The following EPHA8 variants were observed in gnomAD, a reference collection of about 807,000 sequenced individuals.
The protein encoded by EPHA8 is EPH receptor A8, also known as ephrin type-A receptor 8.
In EPHA8, 58 loss-of-function variants were observed where a neutral mutation model predicts 103.6. The ratio of observed to expected loss-of-function variants is 0.56; its 90% confidence interval spans 0.45 to 0.70. EPHA8 has a LOEUF of 0.70. Ranked by LOEUF, EPHA8 falls within the 30% of genes least tolerant of loss-of-function variation. EPHA8 has a pLI of 0.00. For synonymous variants in EPHA8, 559 were observed against 572.5 expected (o/e 0.98, Z 0.34); for missense variants, 1,304 against 1,395.2 (o/e 0.93, Z 1.04).
chr1:22,597,883 C>A lies in EPHA8; in HGVS notation c.2116+22C>A. Reference sequence around the variant, plus strand: ...CGTGGTAGGTGCCGGGCAAAGACAGCCTCCCCCTGCAGTGCCCCTCCTGCC... The same window carrying A: ...CGTGGTAGGTGCCGGGCAAAGACAGACTCCCCCTGCAGTGCCCCTCCTGCC... On this transcript the variant is annotated intron_variant, in intron 11 of 16. Transcript: ENST00000166244. This position sits in a 1 kb window ranked among gnomAD's most constrained non-coding sequence, Gnocchi z 4.6. The A allele has an allele frequency of 6.3e-7, 1 of 1,594,498 alleles. No individual in the cohort carries two copies. The highest frequency in any genetic ancestry group is 8.6e-7 in the Non-Finnish European group (1 of 1,169,442).
At position 22,576,303 on chromosome 1, in the gene EPHA8, C is replaced by T. The variant is rs776601487; in HGVS notation, c.246C>T (p.Asn82=). 5.6e-6 allele frequency: 9 copies of T among 1,613,954 alleles called. No individual in the cohort carries two copies. The highest frequency in any genetic ancestry group is 7.6e-6 in the Non-Finnish European group (9 of 1,180,044). Residue 82 remains asparagine (N), a synonymous_variant, in exon 3 of 17, where the codon AAC becomes AAT. Transcript: ENST00000166244. This position sits in a 1 kb window ranked among gnomAD's most constrained non-coding sequence, Gnocchi z 4.8. ...VCNVMSPNQN[N]WLRTSWVPRD... is the part of the protein sequence containing the mutation. Reference sequence around the variant, plus strand: ...ACGTCATGAGCCCCAACCAGAACAACTGGCTGCGCACGAGCTGGGTCCCCC... The same window carrying T: ...ACGTCATGAGCCCCAACCAGAACAATTGGCTGCGCACGAGCTGGGTCCCCC...
intron 2 of EPHA8, among the ~76,000 whole-genome samples, chr1:22,570,648 G>A (rs1001676295): frequency 4.1e-5 from 6 of 146,672 alleles, no homozygotes; most frequent in African/African-American, 1.6e-4. Context: ...CTCTCTGGGG[G>A]TCTGGTCACC....
intron 4 of EPHA8, 150 bp downstream of exon 4, chr1:22,586,785 G>GGGGC (rs1228737784): frequency 2.1e-6 from 2 of 936,442 alleles, no homozygotes; most frequent in African/African-American, 3.7e-5. Context: ...TGAGGTGGGG[G>GGGGC]GGGTGACTCT....
At chr1:22,585,048 T>TGCGCGCGCGCGC (rs1553146979) in intron 3 of EPHA8, among the ~76,000 whole-genome samples, 1 of 111,284 alleles carries the variant, frequency 9.0e-6, no homozygotes, top group African/African-American at 4.5e-5. Flanking sequence ...TGTGTGTGTG[T>TGCGCGCGCGCGC]GTGCGCACGC....
At chr1:22,577,764 G>C (rs1229868707) in intron 3 of EPHA8, among the ~76,000 whole-genome samples, 1 of 151,804 alleles carries the variant, frequency 6.6e-6, no homozygotes, top group African/African-American at 2.4e-5. Flanking sequence ...CAGGTGGTGT[G>C]CATGAGTGTG....
At position 22,593,613 on chromosome 1, in the gene EPHA8, C is replaced by G. The variant is rs1368378008; in HGVS notation, c.1530C>G (p.Phe510Leu). 1 of 1,610,494 alleles carries G rather than the reference C, an allele frequency of 6.2e-7. No homozygotes were observed. The highest frequency in any genetic ancestry group is 1.3e-5 in the African/African-American group (1 of 75,026). ...SGLKPGTRYV[F>L]QVRARTSAGC... ...TCAAGCCGGGCACCCGCTACGTGTT[C>G]CAGGTCCGAGCCCGCACCTCAGCAG... The change falls in exon 7 of 17, where the codon TTC becomes TTG. Residue 510 changes from phenylalanine (F) to leucine (L), a missense_variant. Transcript: ENST00000166244.
intron 3 of EPHA8, among the ~76,000 whole-genome samples, chr1:22,578,741 G>A (rs1160082726): frequency 6.7e-6 from 1 of 150,264 alleles, no homozygotes; most frequent in Non-Finnish European, 1.5e-5. Context: ...GCAAGTGTAT[G>A]TACGGATTTG....
intron 1 of EPHA8, among the ~76,000 whole-genome samples, chr1:22,564,642 C>T (rs1430903978): frequency 6.6e-6 from 1 of 151,992 alleles, no homozygotes; most frequent in Non-Finnish European, 1.5e-5. Context: ...TGAGAGGGAG[C>T]ACCTAAGCCT....
intron 4 of EPHA8, 117 bp downstream of exon 4, chr1:22,586,752 C>A: frequency 7.4e-7 from 1 of 1,347,816 alleles, no homozygotes; most frequent in Non-Finnish European, 1.0e-6. Context: ...GGGCGGGTGG[C>A]TCTCTTGAGC....
rs965314491 is a variant in EPHA8 at position 22,586,699 on chromosome 1, G to T, written c.979+64G>T. The T allele has an allele frequency of 2.7e-5, 43 of 1,580,164 alleles. No individual in the cohort carries two copies. The South Asian group carries it at 3.9e-4, about 14-fold the overall frequency. ...AGACTGGGCCGGGCCCCTGTGTTTG[G>T]TCCTCCAGGCCTCAGAGAGCCAGTT... On this transcript the variant is annotated intron_variant, in intron 4 of 16. Coordinates refer to ENST00000166244, the MANE Select transcript of EPHA8 (RefSeq NM_020526.5).
Position 22,600,764 on chromosome 1 carries a change from T to C in EPHA8, c.2492T>C (p.Val831Ala). 1 of 1,612,102 alleles carries C rather than the reference T, an allele frequency of 6.2e-7. No homozygotes were observed. The highest frequency in any genetic ancestry group is 8.5e-7 in the Non-Finnish European group (1 of 1,179,162). ...VWSFGVVMWEVLAYGERPYWN... is the reference protein window; with the variant it reads ...VWSFGVVMWEALAYGERPYWN... ...AGCTTCGGCGTGGTCATGTGGGAGGTGCTGGCCTATGGGGAGCGGCCCTAC... is the reference window on the plus strand; with the variant it reads ...AGCTTCGGCGTGGTCATGTGGGAGGCGCTGGCCTATGGGGAGCGGCCCTAC... Residue 831 changes from valine to alanine, a missense_variant, in exon 14 of 17, where the codon GTG becomes GCG. Transcript: ENST00000166244.
intron 3 of EPHA8, among the ~76,000 whole-genome samples, chr1:22,583,733 C>A (rs682118): frequency 0.12 from 17,535 of 152,276 alleles, 1,314 homozygotes; most frequent in African/African-American, 0.21. Context: ...ACTTCCAGCA[C>A]CTTGCCTAAT....
chr1:22,589,257 G>A lies in EPHA8; in HGVS notation c.1315+51G>A. On this transcript the variant is annotated intron_variant, in intron 5 of 16. Coordinates refer to ENST00000166244, the MANE Select transcript of EPHA8 (RefSeq NM_020526.5). This position sits in a 1 kb window ranked among gnomAD's most constrained non-coding sequence, Gnocchi z 4.3. ...GCGTCCTGGTCCCCCAGCTTCCCCT[G>A]CCTCAGACCCATCCAGGGATCAGAG... 1 of 1,614,024 alleles carries A rather than the reference G, an allele frequency of 6.2e-7. No individual in the cohort carries two copies. The highest frequency in any genetic ancestry group is 8.5e-7 in the Non-Finnish European group (1 of 1,180,024).
Position 22,598,368 on chromosome 1 carries a change from AGC to A in EPHA8, c.2178+157_2178+158del, listed in dbSNP as rs1181553048. On this transcript the variant is annotated intron_variant, in intron 12 of 16. Coordinates refer to ENST00000166244, the MANE Select transcript of EPHA8 (RefSeq NM_020526.5). The surrounding 1 kb of genome is among the most constrained non-coding windows in gnomAD (Gnocchi z 5.1). The stretch of plus-strand genomic sequence containing the variant: ...GTATAGGGAGGAGGTCTTCGAGTTC[AGC>A]CAGTCGAACTGCCTTTCGGCCCCCA... 6.6e-6 allele frequency among the ~76,000 whole-genome samples: 1 copy of A among 152,162 alleles called. No homozygotes were observed. The highest frequency in any genetic ancestry group is 2.4e-5 in the African/African-American group (1 of 41,452).
intron 5 of EPHA8, among the ~76,000 whole-genome samples, chr1:22,591,673 TC>T (rs1312603807): frequency 1.3e-5 from 2 of 152,154 alleles, no homozygotes; most frequent in Non-Finnish European, 2.9e-5. Flanking sequence ...CCAGAGCACC[TC>T]TTTCCCTGGC....
chr1:22,599,669 A>G (rs1570035466), intron 13 of EPHA8, among the ~76,000 whole-genome samples: 1 of 42,774 alleles, frequency 2.3e-5, no homozygotes, highest in Admixed American at 3.2e-4. Flanking sequence ...GGAGGGAGGG[A>G]GGAAGGAGGG....
chr1:22,571,828 G>A (rs1640550857), intron 2 of EPHA8, among the ~76,000 whole-genome samples: 1 of 152,110 alleles, frequency 6.6e-6, no homozygotes, highest in African/African-American at 2.4e-5. Flanking sequence ...CTTGCGACCA[G>A]GAGTTCGAGA....
At chr1:22,584,427 G>A (rs988557197) in intron 3 of EPHA8, among the ~76,000 whole-genome samples, 1 of 152,242 alleles carries the variant, frequency 6.6e-6, no homozygotes, top group Non-Finnish European at 1.5e-5. Flanking sequence ...TTCTGGCTCT[G>A]CAGCCTTCTA....
In EPHA8 at chr1:22,593,670, G is replaced by A. The variant is rs774003184; in HGVS notation, c.1587G>A (p.Val529=). ...GCGRFSQAME[V]ETGKPRPRYD... is the part of the protein sequence containing the mutation. Reference sequence around the variant, plus strand: ...GCCGCTTCAGCCAGGCCATGGAGGTGGAGACCGGGAAACCCCGTGAGTGCA... The same window carrying A: ...GCCGCTTCAGCCAGGCCATGGAGGTAGAGACCGGGAAACCCCGTGAGTGCA... The change falls in exon 7 of 17, where the codon GTG becomes GTA. Residue 529 remains valine, a synonymous_variant. Transcript: ENST00000166244. 1 of 1,598,544 alleles carries A rather than the reference G, an allele frequency of 6.3e-7. No homozygotes were observed. The highest frequency in any genetic ancestry group is 8.5e-7 in the Non-Finnish European group (1 of 1,172,706).
Sources: gnomAD v4.1 joint callset for allele counts (sites outside exome capture counted in the v4.1 genomes callset) on GRCh38, gnomAD v4.1.1 for gene constraint, Gnocchi (gnomAD v3.1) non-coding constraint, MANE v1.5 for transcripts, NCBI Gene and HGNC (gene_info 2026-07-23, HGNC 2026-07-21) for gene names.